The following FYTTD1 variants were observed in gnomAD, a reference collection of about 807,000 sequenced individuals.
FYTTD1 encodes the protein UAP56-interacting factor.
FYTTD1 carries 22 observed loss-of-function variants against 40.9 expected under a neutral mutation model. The ratio of observed to expected loss-of-function variants is 0.54; its 90% CI spans 0.38 to 0.77. FYTTD1 has a LOEUF of 0.77. FYTTD1 is among the 30% of genes least tolerant of loss of function. The pLI is 0.00. For synonymous variants in FYTTD1, 140 were observed against 137.9 expected, an observed-to-expected ratio of 1.01 and a Z score of -0.10; for missense variants, 351 against 392.2, an observed-to-expected ratio of 0.90 and a Z score of 0.89.
intron 1 of FYTTD1, 121 bp from the exon 2 acceptor site, chr3:197,756,305 T>A: frequency 1.4e-6 from 1 of 702,548 alleles, no homozygotes; most frequent in Non-Finnish European, 2.5e-6. Context: ...ATTATCCTCT[T>A]ATGGAAGTGC....
intron 7 of FYTTD1, among the ~76,000 whole-genome samples, chr3:197,777,572 A>G (rs965060548): frequency 1.3e-5 from 2 of 152,088 alleles, no homozygotes; most frequent in Admixed American, 6.5e-5. Flanking sequence ...ATAATAAACG[A>G]GATGATGGTA....
At chr3:197,772,642 C>T (rs527427963) in intron 4 of FYTTD1, among the ~76,000 whole-genome samples, 12 of 152,236 alleles carry the variant, frequency 7.9e-5, no homozygotes, top group African/African-American at 2.9e-4. Flanking sequence ...GAGATGAAGT[C>T]TGTGTCGCTG....
intron 4 of FYTTD1, among the ~76,000 whole-genome samples, chr3:197,771,274 G>T (rs187896374): frequency 1.3e-5 from 2 of 152,268 alleles, no homozygotes; most frequent in Non-Finnish European, 1.5e-5. Flanking sequence ...AAGTTGATGA[G>T]GTGTGAAGTT....
At chr3:197,755,652 A>AT (rs1452858761) in intron 1 of FYTTD1, 4 of 268,304 alleles carry the variant, frequency 1.5e-5, no homozygotes, top group Middle Eastern at 1.1e-3. Context: ...TTATTTATTT[A>AT]TTTATTTGTA....
intron 2 of FYTTD1, among the ~76,000 whole-genome samples, chr3:197,761,742 A>G (rs867710861): frequency 2.0e-5 from 3 of 152,218 alleles, no homozygotes; most frequent in East Asian, 3.8e-4. Flanking sequence ...CGTTAATTGT[A>G]TTTTGACTCT....
chr3:197,771,776 C>CAA (rs755304777), intron 4 of FYTTD1, among the ~76,000 whole-genome samples: 2,092 of 66,104 alleles, frequency 0.032, 88 homozygotes, highest in African/African-American at 0.089. Context: ...GACTCCGTCT[C>CAA]AAAAAAAAAA....
At position 197,776,294 on chromosome 3, in the gene FYTTD1, C is replaced by G. The variant is rs575508973; in HGVS notation, c.657-633C>G. ...AATCTCAGTTCACTGCAACCTCCCC[C>G]TCCCGGGTTCAAGCAGTTCTCTGCC... is the stretch of plus-strand genomic sequence containing the variant. On this transcript the variant is annotated intron_variant, in intron 6 of 8. Transcript: ENST00000241502. Among the ~76,000 whole-genome samples, 9 of 151,758 alleles carry G rather than the reference C, an allele frequency of 5.9e-5. No individual in the cohort carries two copies. In the East Asian group the frequency reaches 1.5e-3, roughly 26 times the overall value.
chr3:197,781,920 A>T lies in FYTTD1; in HGVS notation c.*11A>T. 1 of 1,541,312 alleles carries T rather than the reference A, an allele frequency of 6.5e-7. No individual in the cohort carries two copies. Among genetic ancestry groups the T allele is most frequent in the Non-Finnish European group, 8.8e-7 (1 of 1,133,050 alleles). On this transcript the variant is annotated 3_prime_UTR_variant, in exon 9 of 9. Coordinates refer to ENST00000241502, the MANE Select transcript of FYTTD1 (RefSeq NM_032288.7). ...GTCACCGTGGGATAGGTCCCATGTC[A>T]AAGGAACTTTTGAGTGATGACTCTG... is the stretch of plus-strand genomic sequence containing the variant.
chr3:197,773,621 G>A (rs1729781948), intron 5 of FYTTD1, 122 bp downstream of exon 5: 10 of 600,090 alleles, frequency 1.7e-5, no homozygotes, highest in East Asian at 5.7e-5. Context: ...TGTGAGGCAC[G>A]TGGTAGTAGA....
At position 197,782,067 on chromosome 3, in the gene FYTTD1, G is replaced by A. The variant is rs757803140; in HGVS notation, c.*158G>A. ...GGTTTTTTTTTTTAAAAAAAAAAAC[G>A]TATAAAATAATGCCCTGAAAGAATA... On this transcript the variant is annotated 3_prime_UTR_variant, in exon 9 of 9. Transcript: ENST00000241502. 109 of 437,742 alleles carry A rather than the reference G, an allele frequency of 2.5e-4. No homozygotes were observed. The highest frequency in any genetic ancestry group is 3.9e-4 in the Non-Finnish European group (95 of 241,330). The allele number at this position is 437,742 out of a possible 1,614,324, so 27.1% of individuals were successfully genotyped here.
intron 6 of FYTTD1, 77 bp downstream of exon 6, chr3:197,774,287 A>C (rs1729807265): frequency 3.4e-6 from 4 of 1,184,858 alleles, no homozygotes; most frequent in Non-Finnish European, 5.0e-6. Flanking sequence ...CATGTACCTC[A>C]GTCCAGAAGA....
intron 7 of FYTTD1, among the ~76,000 whole-genome samples, chr3:197,777,609 A>G (rs1380882507): frequency 6.6e-6 from 1 of 152,094 alleles, no homozygotes; most frequent in East Asian, 1.9e-4. Flanking sequence ...TAATCCCTGT[A>G]ATGTTTTCGA....
At chr3:197,776,801 C>T in intron 6 of FYTTD1, 126 bp from the exon 7 acceptor site, 1 of 618,140 alleles carries the variant, frequency 1.6e-6, no homozygotes, top group Non-Finnish European at 2.8e-6. Flanking sequence ...TGGTGGGGTT[C>T]AGGTACTTAT....
At chr3:197,755,130 C>G (rs527513305) in intron 1 of FYTTD1, among the ~76,000 whole-genome samples, 2 of 152,236 alleles carry the variant, frequency 1.3e-5, no homozygotes, top group Admixed American at 1.3e-4. Context: ...AGGCTTAGAT[C>G]AGTGTAGAAA....
intron 1 of FYTTD1, among the ~76,000 whole-genome samples, chr3:197,751,990 G>A (rs779621675): frequency 2.4e-4 from 36 of 152,076 alleles, no homozygotes; most frequent in Non-Finnish European, 4.3e-4. Context: ...TCCTGCCTCA[G>A]CCTCCCGAGT....
intron 2 of FYTTD1, among the ~76,000 whole-genome samples, chr3:197,759,290 G>A (rs369923709): frequency 6.0e-5 from 9 of 150,906 alleles, no homozygotes; most frequent in East Asian, 2.0e-4. Flanking sequence ...AACATATAGA[G>A]TGTTCTTCAG....
At chr3:197,775,517 T>G (rs563822019) in intron 6 of FYTTD1, among the ~76,000 whole-genome samples, 11 of 152,136 alleles carry the variant, frequency 7.2e-5, no homozygotes, top group African/African-American at 2.7e-4. Context: ...CCAGGCCCAC[T>G]GAAGAGATTA....
chr3:197,773,846 ACGGGCCCCTCCGCTGCACTCACGCACACG>A (rs1729789111), intron 5 of FYTTD1, among the ~76,000 whole-genome samples: 1 of 115,216 alleles, frequency 8.7e-6, no homozygotes, highest in African/African-American at 4.1e-5. Context: ...CTAGAATAGC[ACGGGCCCCTCCGCTGCACTCACGCACACG>A]CCCCACTGGG....
intron 2 of FYTTD1, among the ~76,000 whole-genome samples, chr3:197,762,300 A>ACT (rs199778397): frequency 0.023 from 3,552 of 152,262 alleles, 119 homozygotes; most frequent in African/African-American, 0.079. Flanking sequence ...TTGGAAAATA[A>ACT]AAATAATGAG....
Sources: gnomAD v4.1 joint callset for allele counts (sites outside exome capture counted in the v4.1 genomes callset) on GRCh38, gnomAD v4.1.1 for gene constraint, MANE v1.5 for transcripts, NCBI Gene and HGNC (gene_info 2026-07-23, HGNC 2026-07-21) for gene names.